The following SCEL variants were observed in gnomAD, a reference collection of about 807,000 sequenced individuals.
SCEL encodes the protein sciellin.
SCEL carries 113 observed loss-of-function variants against 117.6 expected under a neutral mutation model. The observed-to-expected ratio is 0.96, with a 90% confidence interval of 0.83 to 1.12. SCEL has a LOEUF of 1.12. Among genes scored for constraint, SCEL ranks in the 50% most tolerant of loss-of-function variants. The pLI is 0.00. For synonymous variants in SCEL, 270 were observed against 256.2 expected (o/e 1.05, Z -0.51); for missense variants, 785 against 810.8 (o/e 0.97, Z 0.39).
At chr13:77,585,928 C>T (rs2086540072) in intron 9 of SCEL, among the ~76,000 whole-genome samples, 1 of 152,150 alleles carries the variant, frequency 6.6e-6, no homozygotes, top group Non-Finnish European at 1.5e-5. Flanking sequence ...GCTGTTTTCC[C>T]TCTAAACTGA....
At position 77,617,653 on chromosome 13, in the gene SCEL, C is replaced by T; in HGVS notation, c.1506C>T (p.Asn502=). ...TGAATCCTGAAATTTTCACAAACAA[C>T]CAAAGGTAATAAAACTATGTTGTTT... ...IKVNPEIFTN[N]QRNQDLANLI... Residue 502 remains asparagine (N), a synonymous_variant, in exon 25 of 33, where the codon AAC becomes AAT. Coordinates refer to ENST00000349847, the MANE Select transcript of SCEL (RefSeq NM_144777.3). The T allele has an allele frequency of 6.3e-7, 1 of 1,590,552 alleles. No individual in the cohort carries two copies. Among genetic ancestry groups the T allele is most frequent in the Non-Finnish European group, 8.6e-7 (1 of 1,164,010 alleles).
intron 9 of SCEL, among the ~76,000 whole-genome samples, chr13:77,584,378 C>T (rs1351979138): frequency 2.0e-5 from 3 of 152,174 alleles, no homozygotes; most frequent in African/African-American, 7.2e-5. Context: ...AACATGGCAT[C>T]GCCTGGCTCC....
intron 4 of SCEL, among the ~76,000 whole-genome samples, chr13:77,562,299 G>C (rs913501839): frequency 1.3e-5 from 2 of 152,168 alleles, no homozygotes; most frequent in Non-Finnish European, 2.9e-5. Context: ...TTTTCTGCAA[G>C]GGGACAGATG....
At chr13:77,570,108 G>A (rs1385650342) in intron 8 of SCEL, among the ~76,000 whole-genome samples, 2 of 152,230 alleles carry the variant, frequency 1.3e-5, no homozygotes, top group African/African-American at 2.4e-5. Context: ...ACAAACATCA[G>A]TGCTTTTAAA....
intron 12 of SCEL, among the ~76,000 whole-genome samples, chr13:77,595,995 C>G (rs531215748): frequency 6.6e-6 from 1 of 152,096 alleles, no homozygotes; most frequent in Non-Finnish European, 1.5e-5. Context: ...AAGGCTAAGT[C>G]GAAGTCTTGG....
intron 27 of SCEL, among the ~76,000 whole-genome samples, chr13:77,621,638 T>C (rs1185560250): frequency 6.6e-6 from 1 of 152,222 alleles, no homozygotes; most frequent in Non-Finnish European, 1.5e-5. Flanking sequence ...TTTATTTACC[T>C]GTAATGCATA....
intron 12 of SCEL, among the ~76,000 whole-genome samples, chr13:77,594,984 A>G (rs1300836858): frequency 6.6e-6 from 1 of 152,100 alleles, no homozygotes; most frequent in Non-Finnish European, 1.5e-5. Flanking sequence ...AAGTGTCTAG[A>G]TCTCTAATTT....
intron 27 of SCEL, among the ~76,000 whole-genome samples, chr13:77,626,172 G>C (rs1331983355): frequency 5.9e-5 from 9 of 152,172 alleles, no homozygotes; most frequent in South Asian, 2.1e-4. Context: ...GTCTTATGTG[G>C]TGGCAGGCAA....
In SCEL at chr13:77,608,754, G is replaced by A. The variant is rs568607056; in HGVS notation, c.1218-304G>A. 4.6e-5 allele frequency among the ~76,000 whole-genome samples: 7 copies of A among 152,264 alleles called. No individual in the cohort carries two copies. In the East Asian group the frequency reaches 1.3e-3, roughly 29 times the overall value. On this transcript the variant is annotated intron_variant, in intron 20 of 32. Transcript: ENST00000349847. Reference sequence around the variant, plus strand: ...GCTATAGCATTAGATGGAATGCTTAGGGGAACCAGGTGAGAATTTTTAGCA... The same window carrying A: ...GCTATAGCATTAGATGGAATGCTTAAGGGAACCAGGTGAGAATTTTTAGCA...
chr13:77,586,804 A>G (rs2086590229), intron 9 of SCEL, among the ~76,000 whole-genome samples: 1 of 152,158 alleles, frequency 6.6e-6, no homozygotes, highest in South Asian at 2.1e-4. Flanking sequence ...TCAGATTCCC[A>G]GCTCTGCCCC....
chr13:77,548,400 A>G (rs2084113071), intron 1 of SCEL, among the ~76,000 whole-genome samples: 1 of 152,228 alleles, frequency 6.6e-6, no homozygotes, highest in South Asian at 2.1e-4. Context: ...GTAGAGAGAA[A>G]GATCCTGAGG....
At position 77,637,135 on chromosome 13, in the gene SCEL, T is replaced by G. The variant is rs749000402; in HGVS notation, c.1779T>G (p.Asp593Glu). 15 of 1,551,794 alleles carry G rather than the reference T, an allele frequency of 9.7e-6. No individual in the cohort carries two copies. The South Asian group carries it at 1.8e-4, about 18-fold the overall frequency. The stretch of plus-strand genomic sequence containing the variant: ...TTGTTCCTAGTAAATCACCCAAGGA[T>G]GGATATCAGGAGAATATCTCTGGAA... ...TYVENSKSPK[D>E]GYQENISGKY... Residue 593 changes from aspartate (D) to glutamate (E), a missense_variant, in exon 30 of 33, where the codon GAT becomes GAG. Transcript: ENST00000349847.
At chr13:77,600,219 C>T (rs1388704413) in intron 15 of SCEL, among the ~76,000 whole-genome samples, 1 of 152,098 alleles carries the variant, frequency 6.6e-6, no homozygotes, top group Non-Finnish European at 1.5e-5. Context: ...GCCACCGCCT[C>T]CCGGGTTCAA....
intron 7 of SCEL, 93 bp from the exon 8 acceptor site, chr13:77,569,278 C>T (rs1593966223): frequency 3.2e-6 from 3 of 926,314 alleles, no homozygotes; most frequent in Non-Finnish European, 3.4e-6. Context: ...AGAGAGCAGG[C>T]AGGAATATGA....
chr13:77,595,954 A>G (rs970790408), intron 12 of SCEL, among the ~76,000 whole-genome samples: 3 of 151,502 alleles, frequency 2.0e-5, no homozygotes, highest in African/African-American at 7.3e-5. Context: ...CTTCAAGCAC[A>G]TAAGTGACTT....
At chr13:77,541,390 C>G (rs541323580) in intron 1 of SCEL, among the ~76,000 whole-genome samples, 1 of 152,194 alleles carries the variant, frequency 6.6e-6, no homozygotes, top group South Asian at 2.1e-4. Flanking sequence ...GGATGATAAA[C>G]TACTATAAGA....
chr13:77,542,330 G>A lies in SCEL; in HGVS notation c.-20+6506G>A, dbSNP rs143807568. ...GCAGGAGAATAGCTTGAACCCGGGA[G>A]GTGGAGGTTGCAGTGGCCGAGATCA... On this transcript the variant is annotated intron_variant, in intron 1 of 32. Coordinates refer to ENST00000349847, the MANE Select transcript of SCEL (RefSeq NM_144777.3). Among the ~76,000 whole-genome samples, 442 of 152,298 alleles carry A rather than the reference G, an allele frequency of 2.9e-3. 1 individual carries two copies. The highest frequency in any genetic ancestry group is 1.0e-2 in the South Asian group (48 of 4,816).
At chr13:77,629,614 T>G (rs912024266) in intron 28 of SCEL, among the ~76,000 whole-genome samples, 1 of 152,198 alleles carries the variant, frequency 6.6e-6, no homozygotes, top group African/African-American at 2.4e-5. Flanking sequence ...AAGTTCCACT[T>G]TGCCCTCTGA....
intron 5 of SCEL, among the ~76,000 whole-genome samples, chr13:77,564,961 C>T (rs1409661092): frequency 6.6e-6 from 1 of 152,208 alleles, no homozygotes; most frequent in Non-Finnish European, 1.5e-5. Flanking sequence ...CTCATCTCCA[C>T]AGCGGTGCAT....
Sources: gnomAD v4.1 joint callset for allele counts (sites outside exome capture counted in the v4.1 genomes callset) on GRCh38, gnomAD v4.1.1 for gene constraint, MANE v1.5 for transcripts, NCBI Gene and HGNC (gene_info 2026-07-23, HGNC 2026-07-21) for gene names.